The following TAF4B variants were observed in gnomAD, a reference collection of about 807,000 sequenced individuals.
TAF4B encodes the protein TATA-box binding protein associated factor 4b.
In TAF4B, 38 loss-of-function variants were observed where a neutral mutation model predicts 86.4. The observed-to-expected ratio is 0.44, with a 90% CI of 0.34 to 0.58. The LOEUF (loss-of-function observed/expected upper bound fraction) is 0.58. Among genes scored for constraint, TAF4B ranks in the 20% least tolerant of loss-of-function variants. TAF4B has a pLI of 0.02. For synonymous variants in TAF4B, 388 were observed against 391.2 expected, an observed-to-expected ratio of 0.99 and a Z score of 0.10; for missense variants, 988 against 1,027.6, an observed-to-expected ratio of 0.96 and a Z score of 0.53.
intron 1 of TAF4B, among the ~76,000 whole-genome samples, chr18:26,242,667 T>G (rs1380628739): frequency 6.6e-6 from 1 of 152,224 alleles, no homozygotes; most frequent in Admixed American, 6.5e-5. Context: ...TTGATGCAGT[T>G]TCTTCCTAGC....
intron 1 of TAF4B, among the ~76,000 whole-genome samples, chr18:26,233,301 C>T (rs1216347371): frequency 6.6e-6 from 1 of 151,988 alleles, no homozygotes; most frequent in African/African-American, 2.4e-5. Context: ...AGGAAGCATT[C>T]AAGAAAGTAA....
At chr18:26,362,049 C>G (rs1004898381) in intron 14 of TAF4B, among the ~76,000 whole-genome samples, 3 of 152,066 alleles carry the variant, frequency 2.0e-5, no homozygotes, top group African/African-American at 7.2e-5. Flanking sequence ...GACTTTTCTA[C>G]TACAGTAACA....
chr18:26,254,391 G>A (rs950531704), intron 1 of TAF4B, among the ~76,000 whole-genome samples: 2 of 151,878 alleles, frequency 1.3e-5, no homozygotes, highest in Non-Finnish European at 2.9e-5. Context: ...CAGAGTGAAA[G>A]AAAATAGAAA....
chr18:26,359,419 T>TG (rs1184661756), intron 14 of TAF4B, among the ~76,000 whole-genome samples: 1 of 152,136 alleles, frequency 6.6e-6, no homozygotes, highest in Non-Finnish European at 1.5e-5. Flanking sequence ...GAAAACTCTA[T>TG]GGGAAAAAAT....
At position 26,357,762 on chromosome 18, in the gene TAF4B, A is replaced by G. The variant is rs1352832409; in HGVS notation, c.2389A>G (p.Arg797Gly). Residue 797 changes from arginine to glycine, a missense_variant, in exon 14 of 15, where the codon AGG becomes GGG. Transcript: ENST00000269142. ...CACAGCTCTTGCAGCTATTGGACCAAGGAAGAAGAGACCACTAGAATCTGG... is the reference window on the plus strand; with the variant it reads ...CACAGCTCTTGCAGCTATTGGACCAGGGAAGAAGAGACCACTAGAATCTGG... ...NLTALAAIGP[R>G]KKRPLESGIE... The G allele has an allele frequency of 2.5e-6, 4 of 1,612,370 alleles. No homozygotes were observed. The Admixed American group carries it at 5.0e-5, about 20-fold the overall frequency.
At chr18:26,247,343 C>T (rs2055941522) in intron 1 of TAF4B, among the ~76,000 whole-genome samples, 1 of 152,170 alleles carries the variant, frequency 6.6e-6, no homozygotes, top group Admixed American at 6.5e-5. Context: ...ATTTAAGGTA[C>T]TTATGCAGCA....
At chr18:26,318,342 C>G (rs540200153) in intron 10 of TAF4B, among the ~76,000 whole-genome samples, 5 of 150,596 alleles carry the variant, frequency 3.3e-5, no homozygotes, top group African/African-American at 1.2e-4. Flanking sequence ...ATTCTTACTT[C>G]TGAATTAGCT....
intron 14 of TAF4B, among the ~76,000 whole-genome samples, chr18:26,358,120 C>G (rs904188953): frequency 3.3e-5 from 5 of 152,174 alleles, no homozygotes; most frequent in African/African-American, 1.2e-4. Flanking sequence ...CCTGTTCCCT[C>G]TGTCTAAATC....
intron 13 of TAF4B, among the ~76,000 whole-genome samples, chr18:26,351,179 A>G (rs1598820644): frequency 1.3e-5 from 2 of 152,220 alleles, no homozygotes; most frequent in South Asian, 2.1e-4. Flanking sequence ...GGAATACTAT[A>G]CAGCCATAAA....
chr18:26,381,361 T>C (rs1474104415), intron 14 of TAF4B, among the ~76,000 whole-genome samples: 1 of 151,912 alleles, frequency 6.6e-6, no homozygotes, highest in African/African-American at 2.4e-5. Flanking sequence ...AGAGGTACAA[T>C]GTGCATCCTT....
chr18:26,365,953 C>T (rs988263844), intron 14 of TAF4B, among the ~76,000 whole-genome samples: 4 of 152,090 alleles, frequency 2.6e-5, no homozygotes, highest in African/African-American at 9.7e-5. Context: ...CCTCGCCTGA[C>T]TAATTTTTTG....
chr18:26,273,679 G>C (rs1451823051), intron 3 of TAF4B, among the ~76,000 whole-genome samples: 1 of 152,184 alleles, frequency 6.6e-6, no homozygotes. Flanking sequence ...GTAAGTGTGA[G>C]CCACTGCACT....
intron 14 of TAF4B, among the ~76,000 whole-genome samples, chr18:26,382,714 C>T (rs11872577): frequency 0.11 from 16,869 of 152,122 alleles, 961 homozygotes; most frequent in African/African-American, 0.14. Context: ...TATTGGGTGA[C>T]TCCAAACACA....
chr18:26,325,041 G>A (rs1348201044), intron 11 of TAF4B, among the ~76,000 whole-genome samples: 1 of 152,110 alleles, frequency 6.6e-6, no homozygotes, highest in African/African-American at 2.4e-5. Flanking sequence ...TTCCACTCTT[G>A]AACATCCATT....
At chr18:26,341,051 A>G (rs2057131357) in intron 13 of TAF4B, among the ~76,000 whole-genome samples, 2 of 152,070 alleles carry the variant, frequency 1.3e-5, no homozygotes, top group South Asian at 2.1e-4. Flanking sequence ...TGTAGGATCT[A>G]TGTGTTTTGA....
At chr18:26,327,655 C>T (rs1484482471) in intron 12 of TAF4B, among the ~76,000 whole-genome samples, 1 of 152,240 alleles carries the variant, frequency 6.6e-6, no homozygotes, top group Non-Finnish European at 1.5e-5. Flanking sequence ...ACTGCAACCT[C>T]TGCCTCCTGG....
Position 26,267,586 on chromosome 18 carries a change from C to T in TAF4B, c.560C>T (p.Thr187Ile). ...AAAAAATTGGCACAAATAGGAACTA[C>T]TGTGGTAACCACTGTTCCGAAGCCT... ...PVKKLAQIGT[T>I]VVTTVPKPSS... The change falls in exon 3 of 15, where the codon ACT (threonine) becomes ATT (isoleucine). Residue 187 changes from threonine (T) to isoleucine (I), a missense_variant. Around this residue, in one of 3 missense-constraint regions of TAF4B, gnomAD observed 747 missense variants for 737.9 expected, o/e 1.01. Transcript: ENST00000269142. The T allele has an allele frequency of 6.2e-7, 1 of 1,614,094 alleles. No homozygotes were observed. Among genetic ancestry groups the T allele is most frequent in the South Asian group, 1.1e-5 (1 of 91,078 alleles).
At chr18:26,238,714 T>C (rs1238421078) in intron 1 of TAF4B, among the ~76,000 whole-genome samples, 1 of 152,166 alleles carries the variant, frequency 6.6e-6, no homozygotes, top group Non-Finnish European at 1.5e-5. Context: ...ACATTAGGTA[T>C]ATCTCCTAAT....
chr18:26,274,958 A>G lies in TAF4B; in HGVS notation c.787A>G (p.Lys263Glu). Residue 263 changes from lysine to glutamate, a missense_variant, in exon 5 of 15, where the codon AAG (lysine) becomes GAG (glutamate). This residue lies in a region of TAF4B where 747 missense variants were observed against 737.9 expected (regional missense o/e 1.01). Coordinates refer to ENST00000269142, the MANE Select transcript of TAF4B (RefSeq NM_005640.3). ...PTMLENVKKC[K>E]NFLAMLIKLA... Reference sequence around the variant, plus strand: ...AATGCTAGAAAATGTGAAGAAATGCAAGAACTTCCTTGCAATGTTAATAAA... The same window carrying G: ...AATGCTAGAAAATGTGAAGAAATGCGAGAACTTCCTTGCAATGTTAATAAA... 6.2e-7 allele frequency: 1 copy of G among 1,613,542 alleles called. No individual in the cohort carries two copies. The highest frequency in any genetic ancestry group is 8.5e-7 in the Non-Finnish European group (1 of 1,179,814).
Sources: gnomAD v4.1 joint callset for allele counts (sites outside exome capture counted in the v4.1 genomes callset) on GRCh38, gnomAD v4.1.1 for gene constraint, gnomAD v4.1.1 regional missense constraint, MANE v1.5 for transcripts, NCBI Gene and HGNC (gene_info 2026-07-23, HGNC 2026-07-21) for gene names.